Variants in SEZ6L observed in about 807,000 individuals in gnomAD.
SEZ6L encodes the protein seizure 6-like protein.
SEZ6L carries 37 observed loss-of-function variants against 106.2 expected under a neutral mutation model. That is an observed-to-expected ratio of 0.35 (90% CI 0.27 to 0.46). The LOEUF (loss-of-function observed/expected upper bound fraction) is 0.46, where lower values mean the gene tolerates loss of function less well. SEZ6L is among the 20% of genes least tolerant of loss of function. The pLI is 1.00. For missense variants in SEZ6L, 1,172 were observed against 1,332.8 expected (o/e 0.88, Z 1.88); for synonymous variants, 541 against 570.4 (o/e 0.95, Z 0.73).
intron 1 of SEZ6L, among the ~76,000 whole-genome samples, chr22:26,187,527 T>G (rs780636698): frequency 6.6e-5 from 10 of 152,228 alleles, no homozygotes; most frequent in Non-Finnish European, 1.2e-4. Flanking sequence ...TCCCAGCCTT[T>G]GACCCTTTGG....
At chr22:26,354,344 A>G (rs1268969339) in intron 12 of SEZ6L, among the ~76,000 whole-genome samples, 1 of 152,040 alleles carries the variant, frequency 6.6e-6, no homozygotes, top group Non-Finnish European at 1.5e-5. Context: ...ACAGAGGGAG[A>G]GATTAGAGTG....
At chr22:26,316,579 C>G (rs1316391527) in intron 9 of SEZ6L, among the ~76,000 whole-genome samples, 1 of 152,082 alleles carries the variant, frequency 6.6e-6, no homozygotes, top group Non-Finnish European at 1.5e-5. Flanking sequence ...GGCTTGTAAT[C>G]CCAGCACTTT....
intron 9 of SEZ6L, among the ~76,000 whole-genome samples, chr22:26,338,511 C>T (rs1281029994): frequency 1.3e-5 from 2 of 152,142 alleles, no homozygotes; most frequent in African/African-American, 2.4e-5. Context: ...AATCCTCCTG[C>T]CTCAGCCTCC....
intron 1 of SEZ6L, among the ~76,000 whole-genome samples, chr22:26,235,837 T>C (rs2078940877): frequency 6.6e-6 from 1 of 152,146 alleles, no homozygotes; most frequent in Non-Finnish European, 1.5e-5. Flanking sequence ...CGGAGGGCCA[T>C]GGGGAAGCCA....
intron 12 of SEZ6L, among the ~76,000 whole-genome samples, chr22:26,353,345 G>A (rs1221281084): frequency 1.3e-5 from 2 of 152,206 alleles, no homozygotes; most frequent in East Asian, 1.9e-4. Flanking sequence ...TATATATAGT[G>A]TGTGTACATA....
In SEZ6L at chr22:26,219,452, G is replaced by A. The variant is rs549631636; in HGVS notation, c.94+49689G>A. Among the ~76,000 whole-genome samples, 2 of 152,066 alleles carry A rather than the reference G, an allele frequency of 1.3e-5. 1 individual carries two copies. The highest frequency in any genetic ancestry group is 4.2e-4 in the South Asian group (2 of 4,804). On this transcript the variant is annotated intron_variant, in intron 1 of 16. Coordinates refer to ENST00000248933, the MANE Select transcript of SEZ6L (RefSeq NM_021115.5). ...AATCAAGAAATTAGAAAGTTTCACT[G>A]AGCAAATTATAGTGCTTGCTTCTTT...
At chr22:26,300,513 C>T (rs1169544513) in intron 5 of SEZ6L, among the ~76,000 whole-genome samples, 4 of 152,196 alleles carry the variant, frequency 2.6e-5, no homozygotes, top group Non-Finnish European at 5.9e-5. Flanking sequence ...CATAGTATTC[C>T]ATGGTGTATA....
At chr22:26,284,484 C>T (rs2080866503) in intron 1 of SEZ6L, among the ~76,000 whole-genome samples, 1 of 151,854 alleles carries the variant, frequency 6.6e-6, no homozygotes, top group South Asian at 2.1e-4. Context: ...TTGGCTCATG[C>T]CTGTAACCCT....
At chr22:26,285,573 CA>C (rs1359981380) in intron 1 of SEZ6L, among the ~76,000 whole-genome samples, 1 of 152,156 alleles carries the variant, frequency 6.6e-6, no homozygotes, top group Admixed American at 6.6e-5. Flanking sequence ...TTGGTTGTCA[CA>C]ACTGGGCAGG....
chr22:26,212,716 C>T (rs562453956), intron 1 of SEZ6L, among the ~76,000 whole-genome samples: 26 of 152,308 alleles, frequency 1.7e-4, no homozygotes, highest in African/African-American at 6.3e-4. Context: ...AGCCACCACG[C>T]CTGGCCAAGA....
At chr22:26,304,384 GAAAGA>G (rs1254469653) in intron 5 of SEZ6L, among the ~76,000 whole-genome samples, 1 of 98,596 alleles carries the variant, frequency 1.0e-5, no homozygotes, top group Non-Finnish European at 2.2e-5. Flanking sequence ...AAGAAAGAAA[GAAAGA>G]AAGAAAGAAA....
chr22:26,171,662 T>A (rs1938617218), intron 1 of SEZ6L, among the ~76,000 whole-genome samples: 1 of 152,224 alleles, frequency 6.6e-6, no homozygotes, highest in Non-Finnish European at 1.5e-5. Flanking sequence ...TTTTTCCAAC[T>A]GCTCAACACC....
intron 1 of SEZ6L, among the ~76,000 whole-genome samples, chr22:26,218,381 C>G (rs933908090): frequency 6.6e-6 from 1 of 152,168 alleles, no homozygotes; most frequent in Non-Finnish European, 1.5e-5. Flanking sequence ...GCATTAGGTA[C>G]TTGTCCTAAT....
At chr22:26,310,885 C>T (rs762219043) in intron 7 of SEZ6L, 49 bp downstream of exon 7, 1 of 1,581,674 alleles carries the variant, frequency 6.3e-7, no homozygotes, top group Non-Finnish European at 8.6e-7. Flanking sequence ...TGGGGGTAGC[C>T]TGGGAGCAGG....
Position 26,360,776 on chromosome 22 carries a change from A to T in SEZ6L, c.2600-4596A>T, listed in dbSNP as rs564641831. ...ACCCGGTAACTGTTCTCTGTTCCCC[A>T]TTCGACTGAGTTTTGGGAGAACAGA... is the stretch of plus-strand genomic sequence containing the variant. On this transcript the variant is annotated intron_variant, in intron 12 of 16. Transcript: ENST00000248933. 7.9e-5 allele frequency among the ~76,000 whole-genome samples: 12 copies of T among 152,244 alleles called. No homozygotes were observed. In the East Asian group the frequency reaches 2.3e-3, roughly 29 times the overall value.
intron 1 of SEZ6L, among the ~76,000 whole-genome samples, chr22:26,278,408 T>C (rs2080625558): frequency 6.6e-6 from 1 of 152,182 alleles, no homozygotes; most frequent in South Asian, 2.1e-4. Flanking sequence ...ACATGGTGCC[T>C]GATAGGTAAG....
chr22:26,299,230 C>A (rs553414146), intron 5 of SEZ6L, 61 bp downstream of exon 5: 1 of 1,268,662 alleles, frequency 7.9e-7, no homozygotes, highest in Non-Finnish European at 1.0e-6. Flanking sequence ...AAAGACCAAC[C>A]TGTAGGACAC....
At position 26,300,560 on chromosome 22, in the gene SEZ6L, G is replaced by A. The variant is rs186995576; in HGVS notation, c.1348+1391G>A. 1.6e-3 allele frequency among the ~76,000 whole-genome samples: 251 copies of A among 152,296 alleles called. 2 individuals carry two copies. Among genetic ancestry groups the A allele is most frequent in the African/African-American group, 5.8e-3 (242 of 41,556 alleles). On this transcript the variant is annotated intron_variant, in intron 5 of 16. Transcript: ENST00000248933. The stretch of plus-strand genomic sequence containing the variant: ...TTCTTAAACCAGTCTATCATTGTTG[G>A]ACATTTGGCTTGGTTCCAAGTCTTT...
intron 1 of SEZ6L, among the ~76,000 whole-genome samples, chr22:26,254,573 G>A (rs1439957391): frequency 6.6e-6 from 1 of 152,152 alleles, no homozygotes; most frequent in Non-Finnish European, 1.5e-5. Flanking sequence ...AGCTATGATT[G>A]TGACACTGCA....
Sources: gnomAD v4.1 joint callset for allele counts (sites outside exome capture counted in the v4.1 genomes callset) on GRCh38, gnomAD v4.1.1 for gene constraint, MANE v1.5 for transcripts, NCBI Gene and HGNC (gene_info 2026-07-23, HGNC 2026-07-21) for gene names.